KNTC1: variants seen among roughly 807,000 people sequenced by gnomAD.
The protein encoded by KNTC1 is kinetochore-associated protein 1.
KNTC1 carries 253 observed loss-of-function variants against 314.4 expected under a neutral mutation model. The ratio of observed to expected loss-of-function variants is 0.80; its 90% confidence interval spans 0.73 to 0.89. The LOEUF is 0.89. KNTC1 is among the 40% of genes least tolerant of loss of function. The probability of loss-of-function intolerance (pLI) is 0.00; values close to 1 mark genes in which losing one functional copy is unlikely to be tolerated. For synonymous variants in KNTC1, 901 were observed against 901.4 expected (o/e 1.00, Z 0.01); for missense variants, 2,475 against 2,572.9 (o/e 0.96, Z 0.82).
chr12:122,588,909 A>G, intron 40 of KNTC1, 93 bp downstream of exon 40: 1 of 673,506 alleles, frequency 1.5e-6, no homozygotes, highest in Non-Finnish European at 2.4e-6. Context: ...ATGATTCAGT[A>G]CAGTAGTATT....
Position 122,601,571 on chromosome 12 carries a change from C to A in KNTC1, c.4599C>A (p.Val1533=). 6.5e-7 allele frequency: 1 copy of A among 1,537,172 alleles called. No individual in the cohort carries two copies. Among genetic ancestry groups the A allele is most frequent in the South Asian group, 1.2e-5 (1 of 80,082 alleles). The part of the protein sequence containing the change: ...DPYDYEMIEV[V]LKVIERADEK... ...ATGACTATGAAATGATTGAAGTTGT[C>A]TTGAAAGTTATAGAACGAGCTGATG... The change falls in exon 45 of 64, where the codon GTC becomes GTA. Residue 1533 remains valine, a synonymous_variant. Coordinates refer to ENST00000333479, the MANE Select transcript of KNTC1 (RefSeq NM_014708.6).
intron 16 of KNTC1, among the ~76,000 whole-genome samples, chr12:122,554,074 A>ATATATATATATATATATATATAT (rs71445282): frequency 4.2e-5 from 3 of 70,680 alleles, no homozygotes; most frequent in African/African-American, 1.6e-4. Context: ...TAAAAAAAAA[A>ATATATATATATATATATATATAT]AAATATATAT....
In KNTC1 at chr12:122,603,155, G is replaced by A. The variant is rs757883690; in HGVS notation, c.5013G>A (p.Thr1671=). ...TTAACAAGGAAATAACTAAGATCAC[G>A]CAGACCATCGAATCCTGCTTACTCT... The part of the protein sequence containing the change: ...TLINKEITKI[T]QTIESCLLSI... Residue 1671 remains threonine, a synonymous_variant, in exon 48 of 64, where the codon ACG becomes ACA. Coordinates refer to ENST00000333479, the MANE Select transcript of KNTC1 (RefSeq NM_014708.6). 5.0e-6 allele frequency: 8 copies of A among 1,613,154 alleles called. No homozygotes were observed. The highest frequency in any genetic ancestry group is 3.3e-5 in the South Asian group (3 of 91,022).
chr12:122,563,024 T>A (rs1445491322), intron 20 of KNTC1, among the ~76,000 whole-genome samples: 11 of 151,898 alleles, frequency 7.2e-5, no homozygotes, highest in Admixed American at 7.2e-4. Flanking sequence ...AAAAAAAATT[T>A]TTTTTTTTAG....
At chr12:122,541,914 G>T (rs971272983) in intron 5 of KNTC1, 136 bp from the exon 6 acceptor site, 7 of 687,572 alleles carry the variant, frequency 1.0e-5, no homozygotes, top group Non-Finnish European at 1.5e-5. Context: ...AGCTACTTGG[G>T]AGGCTGAGGC....
chr12:122,599,508 C>T (rs888653440), intron 44 of KNTC1, among the ~76,000 whole-genome samples: 4 of 151,896 alleles, frequency 2.6e-5, no homozygotes, highest in Non-Finnish European at 4.4e-5. Flanking sequence ...TGCGCCACCA[C>T]GTCCAGCTAA....
rs945200125 is a variant in KNTC1 at position 122,570,774 on chromosome 12, G to A, written c.1861-102G>A. ...AGACAATCGTGGATAAGAGGTTTAT[G>A]GACAAAATAAATATTTAAAGGAAAA... is the stretch of plus-strand genomic sequence containing the variant. On this transcript the variant is annotated intron_variant, in intron 22 of 63. Transcript: ENST00000333479. The A allele has an allele frequency of 8.6e-6, 7 of 818,704 alleles. No homozygotes were observed. In the South Asian group the frequency reaches 1.0e-4, roughly 12 times the overall value. 50.7% of individuals were successfully genotyped at this position (818,704 alleles called of 1,614,324 possible). A position where few individuals can be genotyped will look rare whatever the true frequency, so the allele number is the denominator to read the frequency against.
chr12:122,582,378 C>T (rs757357733), intron 33 of KNTC1, among the ~76,000 whole-genome samples: 4 of 152,118 alleles, frequency 2.6e-5, no homozygotes, highest in Admixed American at 2.0e-4. Flanking sequence ...GTTTATACCA[C>T]TGCACTCCAG....
chr12:122,597,348 A>C, intron 43 of KNTC1: 1 of 219,810 alleles, frequency 4.5e-6, no homozygotes, highest in East Asian at 1.2e-4. Context: ...TCCCGGGTTC[A>C]AGCAATTCTC....
intron 5 of KNTC1, among the ~76,000 whole-genome samples, chr12:122,540,032 C>T (rs1324691242): frequency 6.6e-6 from 1 of 151,846 alleles, no homozygotes; most frequent in African/African-American, 2.4e-5. Flanking sequence ...GATCCACCTG[C>T]CTCGGCCTCC....
At position 122,586,546 on chromosome 12, in the gene KNTC1, T is replaced by G. The variant is rs774771583; in HGVS notation, c.3674-155T>G. ...ATATTTACACATCTGTGAGAGTATGTGCTGTGTGAGGGTTATTTATTTATT... is the reference window on the plus strand; with the variant it reads ...ATATTTACACATCTGTGAGAGTATGGGCTGTGTGAGGGTTATTTATTTATT... On this transcript the variant is annotated intron_variant, in intron 37 of 63. Transcript: ENST00000333479. Among the ~76,000 whole-genome samples the G allele has an allele frequency of 6.6e-4, 101 of 152,282 alleles. 1 individual carries two copies. Among genetic ancestry groups the G allele is most frequent in the Admixed American group, 1.8e-3 (28 of 15,298 alleles).
chr12:122,591,579 T>G (rs1870216473), intron 42 of KNTC1, 126 bp downstream of exon 42: 1 of 628,606 alleles, frequency 1.6e-6, no homozygotes, highest in South Asian at 1.9e-5. Context: ...TACATTTTAT[T>G]AACTACACAC....
chr12:122,601,401 T>C, intron 44 of KNTC1, 135 bp from the exon 45 acceptor site: 1 of 830,372 alleles, frequency 1.2e-6, no homozygotes, highest in Non-Finnish European at 1.7e-6. Context: ...AGCTCATTTT[T>C]AAGGGAGTAA....
chr12:122,562,429 A>T (rs1354230326), intron 19 of KNTC1, among the ~76,000 whole-genome samples: 1 of 141,038 alleles, frequency 7.1e-6, no homozygotes, highest in Non-Finnish European at 1.5e-5. Context: ...TGTTTTTCTT[A>T]TCCCATGTTT....
At chr12:122,582,289 G>A (rs954696975) in intron 33 of KNTC1, among the ~76,000 whole-genome samples, 2 of 152,074 alleles carry the variant, frequency 1.3e-5, no homozygotes, top group African/African-American at 4.8e-5. Context: ...GTGGTGATGC[G>A]TGCCTGCAGT....
At chr12:122,588,422 T>A (rs1426915313) in intron 39 of KNTC1, among the ~76,000 whole-genome samples, 2 of 152,220 alleles carry the variant, frequency 1.3e-5, no homozygotes, top group Non-Finnish European at 2.9e-5. Context: ...GACTCTTTTT[T>A]AATGAACTGT....
At chr12:122,580,051 C>A in intron 32 of KNTC1, 74 bp downstream of exon 32, 1 of 953,708 alleles carries the variant, frequency 1.0e-6, no homozygotes, top group Non-Finnish European at 1.7e-6. Context: ...GCATCGAAGA[C>A]AACTCTCACC....
chr12:122,544,427 C>T (rs1433876653), intron 8 of KNTC1, among the ~76,000 whole-genome samples, 158 bp downstream of exon 8: 1 of 152,096 alleles, frequency 6.6e-6, no homozygotes, highest in Non-Finnish European at 1.5e-5. Flanking sequence ...AAATAAATTT[C>T]TGTCTTGGAA....
At position 122,584,435 on chromosome 12, in the gene KNTC1, A is replaced by G. The variant is rs2138001552; in HGVS notation, c.3421A>G (p.Thr1141Ala). The G allele has an allele frequency of 1.9e-6, 3 of 1,608,236 alleles. No individual in the cohort carries two copies. Among genetic ancestry groups the G allele is most frequent in the African/African-American group, 2.7e-5 (2 of 74,836 alleles). The change falls in exon 35 of 64, where the codon ACC becomes GCC. Residue 1141 changes from threonine (T) to alanine (A), a missense_variant. Physicochemically the swap from Thr to Ala is moderately conservative, Grantham distance 58. Transcript: ENST00000333479. ...MIHDLASQAA[T>A]ICSPDFLLDA... ...ACATGATCTAGCAAGCCAAGCTGCCACCATTTGCAGTCCAGGTGACAATAT... is the reference window on the plus strand; with the variant it reads ...ACATGATCTAGCAAGCCAAGCTGCCGCCATTTGCAGTCCAGGTGACAATAT...
Sources: allele counts gnomAD v4.1 joint callset (sites outside exome capture counted in the v4.1 genomes callset), GRCh38; gene constraint gnomAD v4.1.1; transcripts MANE v1.5; gene names NCBI Gene and HGNC (gene_info 2026-07-23, HGNC 2026-07-21).